DNAAF1: variants seen among roughly 807,000 people sequenced by gnomAD.
The protein encoded by DNAAF1 is dynein axonemal assembly factor 1.
A neutral mutation model predicts 71.1 loss-of-function variants in DNAAF1; 65 were observed. The observed-to-expected ratio is 0.91, with a 90% CI of 0.75 to 1.12. The LOEUF (loss-of-function observed/expected upper bound fraction) is 1.12. Ranked by LOEUF, DNAAF1 falls within the 50% of genes most tolerant of loss-of-function variation. The pLI is 0.00. For missense variants in DNAAF1, 1,178 were observed against 899.8 expected, an observed-to-expected ratio of 1.31 and a Z score of -3.96; for synonymous variants, 414 against 354.6, an observed-to-expected ratio of 1.17 and a Z score of -1.88.
intron 9 of DNAAF1, 65 bp downstream of exon 9, chr16:84,172,440 A>T: frequency 6.3e-7 from 1 of 1,587,576 alleles, no homozygotes; most frequent in Non-Finnish European, 8.6e-7. Flanking sequence ...AGGTAATCAG[A>T]TGCAGACTTT....
intron 9 of DNAAF1, 67 bp downstream of exon 9, chr16:84,172,442 G>A (rs2088413616): frequency 6.3e-7 from 1 of 1,583,506 alleles, no homozygotes; most frequent in Admixed American, 1.8e-5. Context: ...GTAATCAGAT[G>A]CAGACTTTGG....
chr16:84,162,666 A>G (rs1207186898), intron 6 of DNAAF1, among the ~76,000 whole-genome samples: 1 of 151,856 alleles, frequency 6.6e-6, no homozygotes, highest in East Asian at 1.9e-4. Context: ...TAAAAATACA[A>G]AAATTAGCTG....
intron 7 of DNAAF1, 162 bp downstream of exon 7, chr16:84,166,111 C>T: frequency 5.1e-6 from 5 of 984,490 alleles, no homozygotes; most frequent in Non-Finnish European, 5.9e-6. Flanking sequence ...TGGAGTGCAG[C>T]AGTGTGATCT....
At chr16:84,177,465 A>C in intron 11 of DNAAF1, 1 of 397,656 alleles carries the variant, frequency 2.5e-6, no homozygotes, top group Non-Finnish European at 4.8e-6. Context: ...AGTAGCTGGT[A>C]TTATAGGGGC....
intron 2 of DNAAF1, 69 bp downstream of exon 2, chr16:84,149,211 A>T (rs1567534231): frequency 1.8e-5 from 29 of 1,583,960 alleles, no homozygotes; most frequent in Non-Finnish European, 2.5e-5. Flanking sequence ...ACCCCCTTGT[A>T]CGGATAATGA....
At chr16:84,154,473 G>C (rs1176804233) in intron 3 of DNAAF1, 104 bp from the exon 4 acceptor site, 1 of 972,560 alleles carries the variant, frequency 1.0e-6, no homozygotes, top group Non-Finnish European at 1.6e-6. Flanking sequence ...AATTTTGAAG[G>C]GACACAGACA....
intron 2 of DNAAF1, 85 bp from the exon 3 acceptor site, chr16:84,150,166 G>A (rs1393510319): frequency 9.8e-7 from 1 of 1,015,724 alleles, no homozygotes; most frequent in Non-Finnish European, 1.6e-6. Flanking sequence ...TTTTGGGCAG[G>A]AATGGATGTG....
In DNAAF1 at chr16:84,176,166, AC is replaced by A. The variant is rs755351588; in HGVS notation, c.1936del (p.Leu646Ter). The A allele has an allele frequency of 6.2e-7, 1 of 1,613,938 alleles. No homozygotes were observed. The highest frequency in any genetic ancestry group is 1.1e-5 in the South Asian group (1 of 91,082). On this transcript the variant is annotated frameshift_variant, in exon 11 of 12. Transcript: ENST00000378553. LOFTEE classifies it high-confidence loss of function. ...GAAAACAAGACACCAAGTCCCCAAG[AC>A]CCCTGATCCAGGAGCTCAGCGACGA... ...IRKQDTKSPR[P>X]LIQELSDEDP...
chr16:84,146,823 AGTG>A (rs2086936247), intron 1 of DNAAF1, among the ~76,000 whole-genome samples: 1 of 152,078 alleles, frequency 6.6e-6, no homozygotes, highest in Non-Finnish European at 1.5e-5. Context: ...GAAACCTTTT[AGTG>A]ATTACATTAA....
Position 84,168,827 on chromosome 16 carries a change from T to TACACACACACACACACACACACACAC in DNAAF1, c.1031-1027_1031-1002dup, listed in dbSNP as rs55903132. Among the ~76,000 whole-genome samples, 178 of 145,986 alleles carry TACACACACACACACACACACACACAC rather than the reference T, an allele frequency of 1.2e-3. 4 individuals are homozygous for TACACACACACACACACACACACACAC. The East Asian group carries it at 0.018, about 15-fold the overall frequency. On this transcript the variant is annotated intron_variant, in intron 7 of 11. Coordinates refer to ENST00000378553, the MANE Select transcript of DNAAF1 (RefSeq NM_178452.6). ...CATAATTTGCTACACATTTGCCACA[T>TACACACACACACACACACACACACAC]ACACACACACACACACACACACACA... is the stretch of plus-strand genomic sequence containing the variant.
chr16:84,147,659 A>T (rs2086974593), intron 1 of DNAAF1, among the ~76,000 whole-genome samples: 3 of 152,142 alleles, frequency 2.0e-5, no homozygotes, highest in Admixed American at 2.0e-4. Flanking sequence ...AACAAAGAAC[A>T]TTAAAACAAA....
chr16:84,157,001 C>T (rs1311492632), intron 5 of DNAAF1, among the ~76,000 whole-genome samples: 4 of 151,708 alleles, frequency 2.6e-5, no homozygotes, highest in African/African-American at 7.3e-5. Flanking sequence ...CACAGGTGTG[C>T]ACCACCACGT....
chr16:84,150,174 G>T (rs1422219677), intron 2 of DNAAF1, 77 bp from the exon 3 acceptor site: 1 of 1,100,698 alleles, frequency 9.1e-7, no homozygotes. Flanking sequence ...AGGAATGGAT[G>T]TGGTAAAGAA....
chr16:84,177,110 C>G (rs1366382084), intron 11 of DNAAF1: 1 of 176,010 alleles, frequency 5.7e-6, no homozygotes, highest in East Asian at 1.5e-4. Context: ...AGCTGCCTGG[C>G]TGACTCCAGA....
chr16:84,155,448 C>T, intron 4 of DNAAF1, 135 bp from the exon 5 acceptor site: 1 of 1,046,354 alleles, frequency 9.6e-7, no homozygotes, highest in Non-Finnish European at 1.5e-6. Flanking sequence ...AGGCTGGTCT[C>T]AAACCTCCTG....
At chr16:84,175,531 G>A in intron 10 of DNAAF1, 1 of 269,656 alleles carries the variant, frequency 3.7e-6, no homozygotes. Context: ...CATCATCTCT[G>A]AGCACGAGCT....
chr16:84,146,514 C>G (rs1328261485), intron 1 of DNAAF1, among the ~76,000 whole-genome samples: 1 of 152,064 alleles, frequency 6.6e-6, no homozygotes, highest in African/African-American at 2.4e-5. Context: ...GTCAGGAGTT[C>G]GAGACCAGTC....
chr16:84,172,184 G>A, intron 8 of DNAAF1, 76 bp from the exon 9 acceptor site: 1 of 1,405,756 alleles, frequency 7.1e-7, no homozygotes, highest in Non-Finnish European at 1.0e-6. Context: ...GCCCTTGGGA[G>A]CCCATCTTCA....
chr16:84,157,510 C>CAA (rs59707812), intron 5 of DNAAF1, among the ~76,000 whole-genome samples: 18 of 82,328 alleles, frequency 2.2e-4, no homozygotes, highest in Non-Finnish European at 2.7e-4. Flanking sequence ...GACACTGTGT[C>CAA]AAAAAAAAAA....
Sources: allele counts gnomAD v4.1 joint callset (sites outside exome capture counted in the v4.1 genomes callset), GRCh38; gene constraint gnomAD v4.1.1; transcripts MANE v1.5; gene names NCBI Gene and HGNC (gene_info 2026-07-23, HGNC 2026-07-21).